CUL5: variants seen among roughly 807,000 people sequenced by gnomAD.
The protein encoded by CUL5 is cullin-5.
CUL5 carries 26 observed loss-of-function variants against 108.8 expected under a neutral mutation model. The observed-to-expected ratio is 0.24, with a 90% CI of 0.18 to 0.33. CUL5 has a LOEUF of 0.33. Ranked by LOEUF, CUL5 falls within the 10% of genes least tolerant of loss-of-function variation. CUL5 has a pLI of 1.00. For missense variants in CUL5, 524 were observed against 909.2 expected (o/e 0.58, Z 5.45); for synonymous variants, 334 against 298.0 (o/e 1.12, Z -1.25).
intron 1 of CUL5, among the ~76,000 whole-genome samples, chr11:108,033,006 C>G (rs914372717): frequency 2.6e-5 from 4 of 152,114 alleles, no homozygotes; most frequent in African/African-American, 9.7e-5. Flanking sequence ...TTCCCAAAAC[C>G]ACTCTCAGGT....
At chr11:108,073,789 C>A (rs556286458) in intron 10 of CUL5, 1 of 174,378 alleles carries the variant, frequency 5.7e-6, no homozygotes, top group African/African-American at 2.4e-5. Flanking sequence ...CCTATTCATC[C>A]TTCCATTAAG....
In CUL5 at chr11:108,050,006, T is replaced by C. The variant is rs1390913111; in HGVS notation, c.351T>C (p.Thr117=). 7 of 1,613,700 alleles carry C rather than the reference T, an allele frequency of 4.3e-6. No individual in the cohort carries two copies. Among genetic ancestry groups the C allele is most frequent in the African/African-American group, 1.3e-5 (1 of 74,912 alleles). ...AACCTTTTTGTCAACTAGAGATTACTTTAATGGGTAAACAGGGCAGCAATA... is the reference window on the plus strand; with the variant it reads ...AACCTTTTTGTCAACTAGAGATTACCTTAATGGGTAAACAGGGCAGCAATA... ...LPKPFCQLEI[T]LMGKQGSNKK... The change falls in exon 4 of 19, where the codon ACT becomes ACC. Residue 117 remains threonine (T), a synonymous_variant. Coordinates refer to ENST00000393094, the MANE Select transcript of CUL5 (RefSeq NM_003478.6).
intron 11 of CUL5, among the ~76,000 whole-genome samples, chr11:108,084,407 G>A (rs1400385651): frequency 6.6e-6 from 1 of 152,198 alleles, no homozygotes; most frequent in African/African-American, 2.4e-5. Flanking sequence ...CTGCTGGGGG[G>A]CAGTAGATGT....
At chr11:108,032,406 G>C (rs1408766741) in intron 1 of CUL5, among the ~76,000 whole-genome samples, 1 of 152,090 alleles carries the variant, frequency 6.6e-6, no homozygotes, top group East Asian at 1.9e-4. Flanking sequence ...TACTTGGGAG[G>C]ATCAGGCAGG....
chr11:108,079,614 T>G (rs893879940), intron 11 of CUL5, among the ~76,000 whole-genome samples: 6 of 152,198 alleles, frequency 3.9e-5, no homozygotes, highest in African/African-American at 1.4e-4. Flanking sequence ...TAGGCAAAAT[T>G]TATATACTGT....
chr11:108,031,493 G>T lies in CUL5; in HGVS notation c.25-2309G>T, dbSNP rs371820038. Reference sequence around the variant, plus strand: ...GCATATGGTATAAGAAAGGGGTCTGGTTTTACTTTTCTGCATATGGCTAGC... The same window carrying T: ...GCATATGGTATAAGAAAGGGGTCTGTTTTTACTTTTCTGCATATGGCTAGC... On this transcript the variant is annotated intron_variant, in intron 1 of 18. Transcript: ENST00000393094. Among the ~76,000 whole-genome samples, 36 of 152,240 alleles carry T rather than the reference G, an allele frequency of 2.4e-4. 1 individual carries two copies. The East Asian group carries it at 3.5e-3, about 15-fold the overall frequency.
chr11:108,072,240 A>G, intron 8 of CUL5, 92 bp from the exon 9 acceptor site: 1 of 1,061,496 alleles, frequency 9.4e-7, no homozygotes, highest in Non-Finnish European at 1.3e-6. Context: ...GTATCCACAG[A>G]ATACTATTAA....
intron 2 of CUL5, among the ~76,000 whole-genome samples, chr11:108,039,771 G>A (rs908174059): frequency 2.0e-5 from 3 of 152,196 alleles, no homozygotes; most frequent in South Asian, 2.1e-4. Context: ...ATTCAGTTCA[G>A]GTTTAATGTT....
chr11:108,090,302 C>CA (rs1214513642), intron 13 of CUL5, among the ~76,000 whole-genome samples: 2 of 152,150 alleles, frequency 1.3e-5, no homozygotes, highest in East Asian at 3.9e-4. Context: ...TCCTGGCTAA[C>CA]ACAGTGAAAC....
At chr11:108,089,782 G>A (rs1864307109) in intron 13 of CUL5, among the ~76,000 whole-genome samples, 159 bp downstream of exon 13, 2 of 152,242 alleles carry the variant, frequency 1.3e-5, no homozygotes, top group Non-Finnish European at 2.9e-5. Flanking sequence ...GCTCATACCT[G>A]TAATCCCAGC....
chr11:108,093,526 T>G (rs1864409917), intron 13 of CUL5, among the ~76,000 whole-genome samples: 1 of 152,192 alleles, frequency 6.6e-6, no homozygotes, highest in African/African-American at 2.4e-5. Flanking sequence ...GCATTATCAC[T>G]TTTCATTTCC....
intron 7 of CUL5, among the ~76,000 whole-genome samples, chr11:108,059,657 T>C (rs922766534): frequency 6.6e-6 from 1 of 151,846 alleles, no homozygotes; most frequent in Non-Finnish European, 1.5e-5. Flanking sequence ...GATGGGTGGA[T>C]CATGAGGTCA....
At chr11:108,074,492 G>A (rs1863900333) in intron 10 of CUL5, among the ~76,000 whole-genome samples, 1 of 151,288 alleles carries the variant, frequency 6.6e-6, no homozygotes, top group Admixed American at 6.6e-5. Flanking sequence ...ACTGTGCCCA[G>A]ACTCTTTTTG....
chr11:108,062,669 GATA>G (rs1372344765), intron 7 of CUL5, among the ~76,000 whole-genome samples: 1 of 151,828 alleles, frequency 6.6e-6, no homozygotes, highest in African/African-American at 2.4e-5. Flanking sequence ...TGCAACGCAT[GATA>G]ATCACATCAG....
chr11:108,065,633 C>T (rs1301384791), intron 7 of CUL5, among the ~76,000 whole-genome samples: 5 of 152,200 alleles, frequency 3.3e-5, no homozygotes, highest in African/African-American at 1.2e-4. Flanking sequence ...CTCTCCCAAG[C>T]ACACAGATTC....
chr11:108,091,733 G>C (rs1301239498), intron 13 of CUL5, among the ~76,000 whole-genome samples: 30 of 66,870 alleles, frequency 4.5e-4, no homozygotes, highest in African/African-American at 1.2e-3. Flanking sequence ...ACACACACAC[G>C]ACAAATAATT....
At chr11:108,054,465 C>T (rs1231635254) in intron 5 of CUL5, among the ~76,000 whole-genome samples, 182 bp from the exon 6 acceptor site, 3 of 152,138 alleles carry the variant, frequency 2.0e-5, no homozygotes, top group Non-Finnish European at 2.9e-5. Flanking sequence ...TGTTACTTTA[C>T]TGCTTTATGC....
chr11:108,015,191 A>T (rs1252460426), intron 1 of CUL5, among the ~76,000 whole-genome samples: 1 of 152,124 alleles, frequency 6.6e-6, no homozygotes, highest in Non-Finnish European at 1.5e-5. Context: ...GAGCCATCAC[A>T]GCTGGCTTAT....
intron 2 of CUL5, among the ~76,000 whole-genome samples, chr11:108,037,072 A>G (rs1395494728): frequency 6.6e-6 from 1 of 150,870 alleles, no homozygotes; most frequent in Non-Finnish European, 1.5e-5. Context: ...TCCACCCAAA[A>G]CTCACCTTTG....
Sources: allele counts gnomAD v4.1 joint callset (sites outside exome capture counted in the v4.1 genomes callset), GRCh38; gene constraint gnomAD v4.1.1; transcripts MANE v1.5; gene names NCBI Gene and HGNC (gene_info 2026-07-23, HGNC 2026-07-21).